The following PTPRD variants were observed in gnomAD, a reference collection of about 807,000 sequenced individuals.
The protein encoded by PTPRD is protein tyrosine phosphatase receptor type D.
PTPRD carries 34 observed loss-of-function variants against 214.5 expected under a neutral mutation model. The observed-to-expected ratio is 0.16, with a 90% CI of 0.12 to 0.21. PTPRD has a LOEUF of 0.21. Among genes scored for constraint, PTPRD ranks in the 10% least tolerant of loss-of-function variants. The pLI, the probability that PTPRD is intolerant of heterozygous loss-of-function variation, is 1.00. For synonymous variants in PTPRD, 1,128 were observed against 845.7 expected (o/e 1.33, Z -5.79); for missense variants, 2,545 against 2,398.7 (o/e 1.06, Z -1.27).
Position 10,558,930 on chromosome 9 carries a change from A to G in PTPRD, c.-600+53468T>C, listed in dbSNP as rs76675923. Among the ~76,000 whole-genome samples the G allele has an allele frequency of 2.8e-4, 42 of 152,330 alleles. 2 individuals are homozygous for G. In the East Asian group the frequency reaches 8.1e-3, roughly 29 times the overall value. Reference sequence around the variant, plus strand: ...ATCTTGTTAGGAATTATGTTTTAAAAGGTATGCATGTGAAAGGAAAAACTG... The same window carrying G: ...ATCTTGTTAGGAATTATGTTTTAAAGGGTATGCATGTGAAAGGAAAAACTG... On this transcript the variant is annotated intron_variant, in intron 2 of 45. Coordinates refer to ENST00000381196, the MANE Select transcript of PTPRD (RefSeq NM_002839.4).
At chr9:8,918,991 A>G (rs561745443) in intron 11 of PTPRD, among the ~76,000 whole-genome samples, 2 of 152,320 alleles carry the variant, frequency 1.3e-5, no homozygotes, top group African/African-American at 2.4e-5. Flanking sequence ...CGTAGGGAAC[A>G]TAAGTTTATT....
intron 8 of PTPRD, among the ~76,000 whole-genome samples, chr9:9,404,680 C>G (rs939659820): frequency 7.2e-5 from 11 of 151,952 alleles, no homozygotes; most frequent in Non-Finnish European, 1.2e-4. Context: ...ATGCGGAAAC[C>G]TATAGTTCAG....
intron 8 of PTPRD, among the ~76,000 whole-genome samples, chr9:9,482,409 G>C (rs542949461): frequency 8.0e-4 from 122 of 152,182 alleles, no homozygotes; most frequent in Non-Finnish European, 1.5e-3. Flanking sequence ...AGCAGTTTTA[G>C]GTTCACAGCA....
At chr9:9,869,273 C>T (rs2064823942) in intron 5 of PTPRD, among the ~76,000 whole-genome samples, 2 of 152,092 alleles carry the variant, frequency 1.3e-5, no homozygotes, top group Admixed American at 1.3e-4. Flanking sequence ...GGAAGTCTTG[C>T]TAACAAATGC....
chr9:9,784,143 T>C (rs868145125), intron 5 of PTPRD, among the ~76,000 whole-genome samples: 1 of 152,138 alleles, frequency 6.6e-6, no homozygotes, highest in Admixed American at 6.5e-5. Context: ...GCTGTTAATG[T>C]TTATAAAAGT....
chr9:9,147,223 A>G (rs1313280158), intron 10 of PTPRD, among the ~76,000 whole-genome samples: 1 of 152,008 alleles, frequency 6.6e-6, no homozygotes, highest in Non-Finnish European at 1.5e-5. Context: ...AATAATGATA[A>G]ATAATCCAAT....
chr9:8,392,919 C>A (rs1424409837), intron 36 of PTPRD, among the ~76,000 whole-genome samples: 2 of 152,052 alleles, frequency 1.3e-5, no homozygotes, highest in Non-Finnish European at 2.9e-5. Flanking sequence ...AAAATATTAA[C>A]CCCAGATTGG....
chr9:9,914,416 A>T (rs1427258188), intron 5 of PTPRD, among the ~76,000 whole-genome samples: 4 of 152,182 alleles, frequency 2.6e-5, no homozygotes, highest in African/African-American at 9.7e-5. Context: ...CCTAGTGGAC[A>T]TGCTGAGTAG....
chr9:8,475,092 A>C (rs2096736608), intron 30 of PTPRD, among the ~76,000 whole-genome samples: 1 of 152,094 alleles, frequency 6.6e-6, no homozygotes, highest in Admixed American at 6.6e-5. Flanking sequence ...AAATTCTGCA[A>C]ATAGCTGTGT....
At chr9:10,031,625 C>CATATATATATATAT (rs1171466919) in intron 4 of PTPRD, among the ~76,000 whole-genome samples, 40 of 87,322 alleles carry the variant, frequency 4.6e-4, no homozygotes, top group East Asian at 2.2e-3. Context: ...TAAAAAACTC[C>CATATATATATATAT]ATATATATAT....
intron 9 of PTPRD, among the ~76,000 whole-genome samples, chr9:9,302,091 T>C (rs1955528510): frequency 6.6e-6 from 1 of 151,990 alleles, no homozygotes; most frequent in Admixed American, 6.6e-5. Context: ...AAGTTATAAA[T>C]GTCAAGGGTT....
chr9:9,213,374 C>A (rs1593701872), intron 9 of PTPRD, among the ~76,000 whole-genome samples: 1 of 152,144 alleles, frequency 6.6e-6, no homozygotes, highest in South Asian at 2.1e-4. Flanking sequence ...AAAGTTTACA[C>A]AAAACACAGT....
Position 8,448,203 on chromosome 9 carries a change from C to T in PTPRD, c.3988+1522G>A, listed in dbSNP as rs542686008. 7.2e-5 allele frequency among the ~76,000 whole-genome samples: 11 copies of T among 152,096 alleles called. No homozygotes were observed. In the South Asian group the frequency reaches 2.3e-3, roughly 32 times the overall value. ...ATTGTCTGGATGTGGTGGCGTGCCC[C>T]AGTAGTCCCAGCTACTTGGGAAGCT... On this transcript the variant is annotated intron_variant, in intron 34 of 45. Coordinates refer to ENST00000381196, the MANE Select transcript of PTPRD (RefSeq NM_002839.4).
chr9:9,961,755 G>A (rs2094381975), intron 4 of PTPRD, among the ~76,000 whole-genome samples: 1 of 151,954 alleles, frequency 6.6e-6, no homozygotes, highest in South Asian at 2.1e-4. Context: ...ACGGTGCTTG[G>A]CAAACATGAT....
intron 11 of PTPRD, among the ~76,000 whole-genome samples, chr9:8,842,266 G>C (rs2097573436): frequency 6.6e-6 from 1 of 152,146 alleles, no homozygotes; most frequent in African/African-American, 2.4e-5. Flanking sequence ...CCAAATGAGA[G>C]ACCAGGTAGG....
At chr9:8,808,811 A>C (rs1379282394) in intron 11 of PTPRD, among the ~76,000 whole-genome samples, 1 of 152,148 alleles carries the variant, frequency 6.6e-6, no homozygotes, top group Non-Finnish European at 1.5e-5. Context: ...GGACTCAATG[A>C]ATCAAACTCT....
intron 3 of PTPRD, among the ~76,000 whole-genome samples, chr9:10,269,853 T>A (rs2094319171): frequency 1.3e-5 from 2 of 152,116 alleles, no homozygotes; most frequent in South Asian, 4.1e-4. Context: ...TTCAAAAAAA[T>A]TAAAAACTGC....
chr9:10,408,316 A>C (rs1361785528), intron 2 of PTPRD, among the ~76,000 whole-genome samples: 1 of 151,626 alleles, frequency 6.6e-6, no homozygotes, highest in African/African-American at 2.4e-5. Flanking sequence ...CCTTAGAATA[A>C]TACTATGTGA....
At chr9:8,723,472 C>A (rs1364089809) in intron 12 of PTPRD, among the ~76,000 whole-genome samples, 1 of 152,196 alleles carries the variant, frequency 6.6e-6, no homozygotes, top group Non-Finnish European at 1.5e-5. Flanking sequence ...TCTTGCTGCA[C>A]TGCTCCTTTC....
Sources: gnomAD v4.1 joint callset for allele counts (sites outside exome capture counted in the v4.1 genomes callset) on GRCh38, gnomAD v4.1.1 for gene constraint, MANE v1.5 for transcripts, NCBI Gene and HGNC (gene_info 2026-07-23, HGNC 2026-07-21) for gene names.